C8orf34: variants seen among roughly 807,000 people sequenced by gnomAD.
C8orf34 encodes uncharacterized protein C8orf34.
In C8orf34, 65 loss-of-function variants were observed where a neutral mutation model predicts 68.3. The ratio of observed to expected loss-of-function variants is 0.95; its 90% CI spans 0.78 to 1.17. The LOEUF is 1.17. C8orf34 is among the 50% of genes most tolerant of loss of function. The probability of loss-of-function intolerance (pLI) is 0.00; values close to 1 mark genes in which losing one functional copy is unlikely to be tolerated. For missense variants in C8orf34, 664 were observed against 655.4 expected (o/e 1.01, Z -0.14); for synonymous variants, 244 against 241.2 (o/e 1.01, Z -0.11).
At chr8:68,424,379 G>A (rs1189009526) in intron 1 of C8orf34, among the ~76,000 whole-genome samples, 2 of 152,078 alleles carry the variant, frequency 1.3e-5, no homozygotes, top group African/African-American at 2.4e-5. Context: ...AGGATTTTGA[G>A]TCTACTAACA....
intron 8 of C8orf34, among the ~76,000 whole-genome samples, chr8:68,706,560 T>C (rs1406291497): frequency 6.6e-6 from 1 of 152,194 alleles, no homozygotes; most frequent in Non-Finnish European, 1.5e-5. Context: ...TGAAAGAGCC[T>C]GAAGGAGGTG....
In C8orf34 at chr8:68,752,710, C is replaced by T. The variant is rs966634727; in HGVS notation, c.1405-23689C>T. Among the ~76,000 whole-genome samples, 11 of 152,068 alleles carry T rather than the reference C, an allele frequency of 7.2e-5. No homozygotes were observed. In the South Asian group the frequency reaches 8.3e-4, roughly 11 times the overall value. ...GGAAGTACTGGGAATTTGTGTCCTT[C>T]GAGAGTTTTCCATAGGGTTGTGTAT... On this transcript the variant is annotated intron_variant, in intron 10 of 13. Coordinates refer to ENST00000518698, the MANE Select transcript of C8orf34 (RefSeq NM_052958.4).
intron 12 of C8orf34, among the ~76,000 whole-genome samples, chr8:68,810,721 C>A (rs538916595): frequency 6.6e-6 from 1 of 152,252 alleles, no homozygotes; most frequent in South Asian, 2.1e-4. Context: ...AACTGGGTAG[C>A]TCCTCTCTAT....
intron 7 of C8orf34, among the ~76,000 whole-genome samples, chr8:68,562,635 G>C (rs925628916): frequency 6.6e-6 from 1 of 152,080 alleles, no homozygotes. Context: ...AAGCAATTTT[G>C]TTGTTGTTGT....
At chr8:68,391,250 T>A (rs148393149) in intron 1 of C8orf34, among the ~76,000 whole-genome samples, 26 of 152,296 alleles carry the variant, frequency 1.7e-4, no homozygotes, top group African/African-American at 5.8e-4. Flanking sequence ...CTAAAAAGGA[T>A]GATACTTGCC....
In C8orf34 at chr8:68,439,653, G is replaced by A. The variant is rs746588625; in HGVS notation, c.475+7G>A. The A allele has an allele frequency of 6.2e-7, 1 of 1,608,124 alleles. No individual in the cohort carries two copies. The highest frequency in any genetic ancestry group is 8.5e-7 in the Non-Finnish European group (1 of 1,178,112). ...GCAGAAAGTGAAAAATCAGGTAAAT[G>A]AAGAATGTCTATGCAGTTAATTTGG... On this transcript the variant is annotated splice_region_variant and intron_variant, in intron 2 of 13. Transcript: ENST00000518698.
chr8:68,749,671 A>T (rs918760392), intron 10 of C8orf34, among the ~76,000 whole-genome samples: 7 of 152,142 alleles, frequency 4.6e-5, no homozygotes, highest in Admixed American at 2.0e-4. Flanking sequence ...CTATTCTAGA[A>T]ATTTCATATA....
chr8:68,336,829 C>G (rs1297341141), intron 1 of C8orf34, among the ~76,000 whole-genome samples: 3 of 151,986 alleles, frequency 2.0e-5, no homozygotes, highest in Admixed American at 2.0e-4. Flanking sequence ...AGGAAGAGCT[C>G]AAAGAATAGT....
At chr8:68,597,606 G>A (rs1248777142) in intron 7 of C8orf34, among the ~76,000 whole-genome samples, 1 of 148,556 alleles carries the variant, frequency 6.7e-6, no homozygotes, top group African/African-American at 2.5e-5. Flanking sequence ...GTGTGTGCAC[G>A]GACGAAGGAA....
At chr8:68,351,423 T>C (rs1806508109) in intron 1 of C8orf34, among the ~76,000 whole-genome samples, 1 of 152,022 alleles carries the variant, frequency 6.6e-6, no homozygotes, top group Non-Finnish European at 1.5e-5. Flanking sequence ...GAAAATCTGA[T>C]GATGATGCAT....
intron 7 of C8orf34, chr8:68,533,935 A>G: frequency 1.2e-6 from 1 of 847,920 alleles, no homozygotes; most frequent in Non-Finnish European, 1.4e-6. Context: ...ACTTTATAAC[A>G]ATATGCTGTT....
intron 2 of C8orf34, among the ~76,000 whole-genome samples, chr8:68,441,100 T>C (rs967182317): frequency 6.7e-6 from 1 of 150,156 alleles, no homozygotes; most frequent in Admixed American, 6.7e-5. Context: ...CACCATGCCC[T>C]GCCAACTCTT....
chr8:68,372,733 T>C (rs1016808252), intron 1 of C8orf34, among the ~76,000 whole-genome samples: 1 of 152,186 alleles, frequency 6.6e-6, no homozygotes, highest in Non-Finnish European at 1.5e-5. Context: ...GTATTTCTCC[T>C]AATGCTGTCC....
intron 10 of C8orf34, among the ~76,000 whole-genome samples, chr8:68,738,724 G>T (rs1463383741): frequency 6.6e-6 from 1 of 151,948 alleles, no homozygotes; most frequent in Non-Finnish European, 1.5e-5. Context: ...ATCCTCCCAA[G>T]AATAAACCAA....
intron 7 of C8orf34, among the ~76,000 whole-genome samples, chr8:68,588,478 C>T (rs1817273286): frequency 6.6e-6 from 1 of 152,030 alleles, no homozygotes; most frequent in South Asian, 2.1e-4. Flanking sequence ...GCATCAGACA[C>T]TATTTAATGT....
intron 4 of C8orf34, among the ~76,000 whole-genome samples, chr8:68,479,049 T>A (rs1057104289): frequency 6.6e-6 from 1 of 152,172 alleles, no homozygotes; most frequent in Non-Finnish European, 1.5e-5. Flanking sequence ...CTTCATTTGA[T>A]AAAATGAAAT....
At chr8:68,354,881 A>C (rs1806681080) in intron 1 of C8orf34, among the ~76,000 whole-genome samples, 1 of 152,086 alleles carries the variant, frequency 6.6e-6, no homozygotes, top group Non-Finnish European at 1.5e-5. Flanking sequence ...CAGTGTACAG[A>C]TACTGTAGCG....
At chr8:68,577,635 C>T (rs1014877519) in intron 7 of C8orf34, among the ~76,000 whole-genome samples, 2 of 151,554 alleles carry the variant, frequency 1.3e-5, no homozygotes, top group East Asian at 3.9e-4. Context: ...GTGCTAATGC[C>T]TTTGATTTGC....
chr8:68,746,850 C>T (rs1298062137), intron 10 of C8orf34, among the ~76,000 whole-genome samples: 4 of 151,792 alleles, frequency 2.6e-5, no homozygotes, highest in African/African-American at 4.8e-5. Context: ...TTCCAATCAA[C>T]AGAAAAAGAG....
Sources: gnomAD v4.1 joint callset for allele counts (sites outside exome capture counted in the v4.1 genomes callset) on GRCh38, gnomAD v4.1.1 for gene constraint, MANE v1.5 for transcripts, NCBI Gene and HGNC (gene_info 2026-07-23, HGNC 2026-07-21) for gene names.